DIS3L: variants seen among roughly 807,000 people sequenced by gnomAD.
DIS3L encodes DIS3 like exosome 3'-5' exoribonuclease, also known as DIS3-like exonuclease 1.
DIS3L carries 100 observed loss-of-function variants against 120.3 expected under a neutral mutation model. The observed-to-expected ratio is 0.83, with a 90% CI of 0.71 to 0.98. The LOEUF (loss-of-function observed/expected upper bound fraction) is 0.98. Among genes scored for constraint, DIS3L ranks in the 50% least tolerant of loss-of-function variants. DIS3L has a pLI of 0.00. For missense variants in DIS3L, 1,196 were observed against 1,314.2 expected (o/e 0.91, Z 1.39); for synonymous variants, 426 against 470.6 (o/e 0.91, Z 1.23).
In DIS3L at chr15:66,332,744, T is replaced by C. The variant is rs759744051; in HGVS notation, c.2690T>C (p.Ile897Thr). 59 of 1,612,208 alleles carry C rather than the reference T, an allele frequency of 3.7e-5. No homozygotes were observed. Among genetic ancestry groups the C allele is most frequent in the Non-Finnish European group, 4.7e-5 (55 of 1,179,288 alleles). ...TTCTGGTCATAATATAGGTTTGGGA[T>C]TAAAGGTGCTGCTTATCTAAAAAAT... The part of the protein sequence containing the change: ...GVLLFIPRFG[I>T]KGAAYLKNKD... The change falls in exon 16 of 17, where the codon ATT becomes ACT. Residue 897 changes from isoleucine (I) to threonine (T), a missense_variant. By Grantham distance (89) the Ile-to-Thr change is moderately conservative. Coordinates refer to ENST00000319212, the MANE Select transcript of DIS3L (RefSeq NM_001143688.3).
At chr15:66,293,519 G>A (rs2092544385), upstream of DIS3L, 2 of 1,282,734 alleles carry the variant, frequency 1.6e-6, no homozygotes, top group South Asian at 4.4e-5. Context: ...CGGCGCCTAG[G>A]GCCGAGGGGC....
intron 7 of DIS3L, among the ~76,000 whole-genome samples, chr15:66,315,685 CCT>C (rs1194249710): frequency 6.6e-6 from 1 of 152,156 alleles, no homozygotes; most frequent in Non-Finnish European, 1.5e-5. Flanking sequence ...AAAAATCCTC[CCT>C]GAGTCCCATG....
chr15:66,313,771 A>G (rs533356178), intron 5 of DIS3L, among the ~76,000 whole-genome samples: 31 of 126,206 alleles, frequency 2.5e-4, no homozygotes, highest in Admixed American at 1.5e-3. Flanking sequence ...GTGTGTGTGT[A>G]TATATATATG....
Position 66,320,590 on chromosome 15 carries a change from G to T in DIS3L, c.1184G>T (p.Arg395Leu), listed in dbSNP as rs374863384. Residue 395 changes from arginine (R) to leucine (L), a missense_variant, in exon 9 of 17, where the codon CGC becomes CTC. Physicochemically the swap from Arg to Leu is moderately radical, Grantham distance 102. Coordinates refer to ENST00000319212, the MANE Select transcript of DIS3L (RefSeq NM_001143688.3). ...GTGCAGGACTTCAGGGTGGTCGTGC[G>T]CATCGATTCCTGGGAGTCAACATCT... ...ETLQDFRVVV[R>L]IDSWESTSVY... The T allele has an allele frequency of 3.7e-6, 6 of 1,613,104 alleles. No individual in the cohort carries two copies. Among genetic ancestry groups the T allele is most frequent in the Non-Finnish European group, 4.2e-6 (5 of 1,179,688 alleles).
At chr15:66,312,580 T>C (rs910131970) in intron 5 of DIS3L, among the ~76,000 whole-genome samples, 5 of 152,320 alleles carry the variant, frequency 3.3e-5, no homozygotes, top group African/African-American at 1.2e-4. Flanking sequence ...TGCCATTTTT[T>C]TCTCTGCCCC....
chr15:66,319,902 G>A (rs1382167043), intron 8 of DIS3L, among the ~76,000 whole-genome samples: 1 of 149,778 alleles, frequency 6.7e-6, no homozygotes, highest in African/African-American at 2.5e-5. Context: ...ATCACTTGAG[G>A]CTAGGAGTTC....
In DIS3L at chr15:66,320,586, G is replaced by C. The variant is rs199915796; in HGVS notation, c.1180G>C (p.Val394Leu). Residue 394 changes from valine to leucine, a missense_variant, in exon 9 of 17, where the codon GTG becomes CTG. Transcript: ENST00000319212. ...AETLQDFRVV[V>L]RIDSWESTSV... The stretch of plus-strand genomic sequence containing the variant: ...TTTTGTGCAGGACTTCAGGGTGGTC[G>C]TGCGCATCGATTCCTGGGAGTCAAC... 3.1e-6 allele frequency: 5 copies of C among 1,613,332 alleles called. No homozygotes were observed. The highest frequency in any genetic ancestry group is 3.4e-6 in the Non-Finnish European group (4 of 1,179,730).
intron 7 of DIS3L, among the ~76,000 whole-genome samples, chr15:66,316,312 T>TG (rs1015647987): frequency 6.6e-6 from 1 of 151,910 alleles, no homozygotes; most frequent in Non-Finnish European, 1.5e-5. Flanking sequence ...CTTGACTTTT[T>TG]TTTTTTTTAC....
chr15:66,309,094 A>AAAAAAAAAAAAAAAAAAATATATATAT, intron 4 of DIS3L, among the ~76,000 whole-genome samples: 4 of 15,318 alleles, frequency 2.6e-4, no homozygotes, highest in African/African-American at 5.9e-4. Context: ...AAAAAAAAAA[A>AAAAAAAAAAAAAAAAAAATATATATAT]ATATATATAT....
At chr15:66,300,090 C>T (rs2092631647) in intron 2 of DIS3L, among the ~76,000 whole-genome samples, 1 of 152,140 alleles carries the variant, frequency 6.6e-6, no homozygotes, top group African/African-American at 2.4e-5. Flanking sequence ...ACATCATACA[C>T]AAATGTTCAT....
At chr15:66,311,091 A>G (rs2092755947) in intron 4 of DIS3L, among the ~76,000 whole-genome samples, 1 of 150,522 alleles carries the variant, frequency 6.6e-6, no homozygotes, top group African/African-American at 2.4e-5. Flanking sequence ...ATGTACACAT[A>G]CTGCTGGGCA....
At chr15:66,331,672 TA>T in intron 14 of DIS3L, 1 of 496,980 alleles carries the variant, frequency 2.0e-6, no homozygotes, top group Non-Finnish European at 3.1e-6. Context: ...TTTCATTTTA[TA>T]AAATAATTCA....
At chr15:66,299,751 T>C (rs1286733001) in intron 2 of DIS3L, among the ~76,000 whole-genome samples, 1 of 152,082 alleles carries the variant, frequency 6.6e-6, no homozygotes. Context: ...CATGTCAACA[T>C]TGAAACTAAA....
chr15:66,306,687 T>A, intron 2 of DIS3L, 137 bp from the exon 3 acceptor site: 1 of 1,262,050 alleles, frequency 7.9e-7, no homozygotes, highest in Admixed American at 2.2e-5. Context: ...CTGAGACCAA[T>A]ATAAATACAT....
intron 9 of DIS3L, 86 bp downstream of exon 9, chr15:66,320,818 T>C: frequency 6.6e-7 from 1 of 1,509,944 alleles, no homozygotes; most frequent in South Asian, 1.3e-5. Flanking sequence ...AAAGTCTTTG[T>C]GCTGTGGAAC....
At chr15:66,331,812 A>G in intron 14 of DIS3L, 63 bp from the exon 15 acceptor site, 2 of 1,412,948 alleles carry the variant, frequency 1.4e-6, no homozygotes, top group Non-Finnish European at 1.9e-6. Context: ...ATGAATATGA[A>G]TTTCGTTTCT....
Position 66,331,949 on chromosome 15 carries a change from C to A in DIS3L, c.2610C>A (p.Thr870=). 6.2e-7 allele frequency: 1 copy of A among 1,613,410 alleles called. No homozygotes were observed. The highest frequency in any genetic ancestry group is 8.5e-7 in the Non-Finnish European group (1 of 1,179,714). Residue 870 remains threonine (T), a synonymous_variant, in exon 15 of 17, where the codon ACC becomes ACA. Coordinates refer to ENST00000319212, the MANE Select transcript of DIS3L (RefSeq NM_001143688.3). The stretch of plus-strand genomic sequence containing the variant: ...ACTTCAAAGACAAAGACCCTGCCAC[C>A]GAGGAGCGTTGCATATCTGACGGAG... ...CMYFKDKDPA[T]EERCISDGVI...
chr15:66,293,506 C>A, upstream of DIS3L: 1 of 1,252,126 alleles, frequency 8.0e-7, no homozygotes, highest in Non-Finnish European at 1.0e-6. Flanking sequence ...GGTTCCGGAG[C>A]CGCGGCGCCT....
At chr15:66,303,946 C>T (rs2092674691) in intron 2 of DIS3L, among the ~76,000 whole-genome samples, 1 of 151,328 alleles carries the variant, frequency 6.6e-6, no homozygotes. Flanking sequence ...AAAAATTAGC[C>T]AGGTGTCTTG....
Sources: gnomAD v4.1 joint callset for allele counts (sites outside exome capture counted in the v4.1 genomes callset) on GRCh38, gnomAD v4.1.1 for gene constraint, MANE v1.5 for transcripts, NCBI Gene and HGNC (gene_info 2026-07-23, HGNC 2026-07-21) for gene names.